Variants in IRAG2 observed in about 807,000 individuals in gnomAD.
IRAG2 encodes the protein lymphoid restricted membrane protein.
In IRAG2, 45 loss-of-function variants were observed where a neutral mutation model predicts 69.9. The ratio of observed to expected loss-of-function variants is 0.64; its 90% confidence interval spans 0.51 to 0.83. The LOEUF (loss-of-function observed/expected upper bound fraction) is 0.83. Among genes scored for constraint, IRAG2 ranks in the 40% least tolerant of loss-of-function variants. The pLI is 0.00. For synonymous variants in IRAG2, 193 were observed against 202.4 expected (o/e 0.95, Z 0.40); for missense variants, 520 against 587.0 (o/e 0.89, Z 1.18).
chr12:25,027,388 C>CCT, intron 9 of IRAG2, among the ~76,000 whole-genome samples: 1 of 111,352 alleles, frequency 9.0e-6, no homozygotes, highest in Admixed American at 1.1e-4. Context: ...ATTACTACCT[C>CCT]TTTTTTTTTC....
At chr12:25,031,337 T>C (rs1190897602) in intron 10 of IRAG2, among the ~76,000 whole-genome samples, 1 of 152,222 alleles carries the variant, frequency 6.6e-6, no homozygotes, top group Admixed American at 6.5e-5. Flanking sequence ...AGGTATTGAT[T>C]GATCATCTCC....
chr12:25,046,319 C>T (rs891625833), intron 16 of IRAG2, among the ~76,000 whole-genome samples: 1 of 151,956 alleles, frequency 6.6e-6, no homozygotes, highest in African/African-American at 2.4e-5. Flanking sequence ...GATGCTCACT[C>T]TCACCACTTC....
chr12:25,020,871 G>A, exon 7 of IRAG2: 1 of 1,231,902 alleles, frequency 8.1e-7, no homozygotes, highest in Non-Finnish European at 1.0e-6. Flanking sequence ...CTTCAGAAGA[G>A]CAGAAGAGCA....
upstream of IRAG2, among the ~76,000 whole-genome samples, chr12:25,049,010 C>G (rs1201465825): frequency 6.6e-6 from 1 of 151,992 alleles, no homozygotes. Flanking sequence ...ACCATTTATT[C>G]CCATTGCTTG....
chr12:25,004,206 T>C (rs956473700), upstream of IRAG2: 1 of 579,944 alleles, frequency 1.7e-6, no homozygotes, highest in African/African-American at 1.9e-5. Flanking sequence ...CATCTTGTCA[T>C]GATCCCGCCA....
intron 16 of IRAG2, among the ~76,000 whole-genome samples, chr12:25,039,536 TTCTCCTGCCTCAG>T (rs1407258293): frequency 1.3e-5 from 2 of 152,226 alleles, no homozygotes; most frequent in African/African-American, 2.4e-5. Flanking sequence ...GTTCAGGCCA[TTCTCCTGCCTCAG>T]CCTCCCGAGT....
At chr12:25,005,875 C>G (rs7137958) in intron 2 of IRAG2, among the ~76,000 whole-genome samples, 15,088 of 151,996 alleles carry the variant, frequency 0.099, 930 homozygotes, top group Non-Finnish European at 0.14. Context: ...TGCAACAAAA[C>G]AAAAATTGAC....
intron 9 of IRAG2, among the ~76,000 whole-genome samples, chr12:25,028,235 G>A (rs542118275): frequency 2.6e-5 from 4 of 152,176 alleles, no homozygotes; most frequent in East Asian, 3.9e-4. Context: ...TTGTTTCTAC[G>A]TTTAACCTTT....
the IRAG2 span, among the ~76,000 whole-genome samples, chr12:24,999,114 A>G: frequency 6.6e-6 from 1 of 152,212 alleles, no homozygotes; most frequent in Non-Finnish European, 1.5e-5. Flanking sequence ...TTGTTTACAT[A>G]TACATTCCTA....
intron 6 of IRAG2, among the ~76,000 whole-genome samples, chr12:25,077,015 G>A (rs960663274): frequency 3.3e-5 from 5 of 150,460 alleles, no homozygotes; most frequent in East Asian, 2.0e-4. Flanking sequence ...AGCTGCAATC[G>A]CAGGTGTACA....
chr12:25,063,657 G>A (rs1945782110), intron 3 of IRAG2, 63 bp from the exon 4 acceptor site: 2 of 398,412 alleles, frequency 5.0e-6, no homozygotes, highest in Non-Finnish European at 8.9e-6. Flanking sequence ...AATGGAGGTA[G>A]TAGATTATGA....
At chr12:25,038,514 T>C (rs944493107) in intron 16 of IRAG2, among the ~76,000 whole-genome samples, 3 of 151,974 alleles carry the variant, frequency 2.0e-5, no homozygotes, top group Non-Finnish European at 4.4e-5. Flanking sequence ...GTGGTGGTAA[T>C]GCCTGTAATC....
chr12:25,041,955 CTG>C (rs59225610), intron 16 of IRAG2, among the ~76,000 whole-genome samples: 4,979 of 148,406 alleles, frequency 0.034, 213 homozygotes, highest in African/African-American at 0.1. Flanking sequence ...TTTGTTTCAG[CTG>C]TGTGTGTGTG....
chr12:25,090,265 C>T, intron 14 of IRAG2, 68 bp downstream of exon 14: 1 of 1,475,304 alleles, frequency 6.8e-7, no homozygotes, highest in Non-Finnish European at 9.2e-7. Context: ...CACCTATAAT[C>T]CCTGCACTTT....
intron 2 of IRAG2, chr12:25,005,444 TG>T (rs1380960001): frequency 1.9e-6 from 1 of 519,396 alleles, no homozygotes; most frequent in Non-Finnish European, 3.0e-6. Context: ...ATGATTTGTG[TG>T]TGGGTCTCAT....
intron 11 of IRAG2, among the ~76,000 whole-genome samples, chr12:25,089,067 C>T (rs1347668301): frequency 2.0e-5 from 3 of 152,132 alleles, no homozygotes; most frequent in Admixed American, 2.0e-4. Flanking sequence ...AAATCCAATG[C>T]TCTTAATAAC....
chr12:25,015,580 A>G (rs1482208342), intron 5 of IRAG2, among the ~76,000 whole-genome samples: 1 of 152,194 alleles, frequency 6.6e-6, no homozygotes, highest in Non-Finnish European at 1.5e-5. Flanking sequence ...ACTGATTCTA[A>G]TAATGCCTGC....
At chr12:25,001,426 A>G (rs1944390149), upstream of IRAG2, among the ~76,000 whole-genome samples, 1 of 152,148 alleles carries the variant, frequency 6.6e-6, no homozygotes, top group Non-Finnish European at 1.5e-5. Context: ...AGCCTGGGTA[A>G]CAGACCAAGA....
exon 10 of IRAG2, chr12:25,030,284 T>C: frequency 8.1e-7 from 1 of 1,231,726 alleles, no homozygotes; most frequent in Non-Finnish European, 1.0e-6. Flanking sequence ...TCAGATGCAG[T>C]TACACACATA....
Sources: gnomAD v4.1 joint callset for allele counts (sites outside exome capture counted in the v4.1 genomes callset) on GRCh38, gnomAD v4.1.1 for gene constraint, MANE v1.5 for transcripts, NCBI Gene and HGNC (gene_info 2026-07-23, HGNC 2026-07-21) for gene names.